Variants in GPC5 observed in about 807,000 individuals in gnomAD.
GPC5 encodes glypican-5.
Under a neutral mutation model 53.9 loss-of-function variants are expected in GPC5, and 47 were observed. That is an observed-to-expected ratio of 0.87 (90% CI 0.69 to 1.11). GPC5 has a LOEUF of 1.11. GPC5 is among the 50% of genes most tolerant of loss of function. GPC5 has a pLI of 0.00. For missense variants in GPC5, 748 were observed against 713.1 expected, an observed-to-expected ratio of 1.05 and a Z score of -0.56; for synonymous variants, 286 against 263.3, an observed-to-expected ratio of 1.09 and a Z score of -0.84.
chr13:91,748,565 T>C (rs2037101106), intron 4 of GPC5, among the ~76,000 whole-genome samples: 1 of 152,252 alleles, frequency 6.6e-6, no homozygotes, highest in African/African-American at 2.4e-5. Flanking sequence ...GGTACCAAGC[T>C]GTGGTCCAAA....
At position 91,720,491 on chromosome 13, in the gene GPC5, A is replaced by G. The variant is rs551589293; in HGVS notation, c.1021-8041A>G. ...ACTTCTCCTTGAGCTTCATCTCAGAATCATTTTCAACTTCCTTTGGTCTCC... is the reference window on the plus strand; with the variant it reads ...ACTTCTCCTTGAGCTTCATCTCAGAGTCATTTTCAACTTCCTTTGGTCTCC... On this transcript the variant is annotated intron_variant, in intron 3 of 7. Coordinates refer to ENST00000377067, the MANE Select transcript of GPC5 (RefSeq NM_004466.6). Among the ~76,000 whole-genome samples the G allele has an allele frequency of 5.9e-5, 9 of 152,210 alleles. No homozygotes were observed. The South Asian group carries it at 1.4e-3, about 24-fold the overall frequency.
intron 6 of GPC5, among the ~76,000 whole-genome samples, chr13:91,932,539 ATCTTGTTCTTCCTTCAG>A (rs2039831470): frequency 6.6e-6 from 1 of 152,032 alleles, no homozygotes; most frequent in African/African-American, 2.4e-5. Flanking sequence ...TTTCCTCAGA[ATCTTGTTCTTCCTTCAG>A]AGTTTCCAAT....
At chr13:92,144,585 C>T (rs1212264907) in intron 6 of GPC5, among the ~76,000 whole-genome samples, 3 of 152,104 alleles carry the variant, frequency 2.0e-5, no homozygotes, top group Admixed American at 6.6e-5. Context: ...TCATTTGCTT[C>T]CCAAAGAATC....
At chr13:92,576,458 A>G (rs73621532) in intron 7 of GPC5, among the ~76,000 whole-genome samples, 1,808 of 152,300 alleles carry the variant, frequency 0.012, 39 homozygotes, top group African/African-American at 0.041. Context: ...CTGTACATGC[A>G]TCAAGTTTTA....
rs751337297 is a variant in GPC5, at chr13:91,756,420, G to T, written c.1280G>T (p.Ser427Ile). 2 of 1,571,574 alleles carry T rather than the reference G, an allele frequency of 1.3e-6. No individual in the cohort carries two copies. Among genetic ancestry groups the T allele is most frequent in the African/African-American group, 1.4e-5 (1 of 73,982 alleles). The change falls in exon 5 of 8, where the codon AGT (serine) becomes ATT (isoleucine). Residue 427 changes from serine (S) to isoleucine (I), a missense_variant and splice_region_variant. Transcript: ENST00000377067. ...TGGAATGGAGAAGATATAGTAAAAA[G>T]GTATTTTATGTGGTCTGTGAAAACC... Reference protein sequence around the residue: ...PCWNGEDIVKSYTQRVVGNGI... With the variant: ...PCWNGEDIVKIYTQRVVGNGI...
intron 2 of GPC5, among the ~76,000 whole-genome samples, chr13:91,657,477 C>A (rs149574105): frequency 1.3e-5 from 2 of 151,958 alleles, no homozygotes; most frequent in African/African-American, 4.8e-5. Context: ...GAGTGGGTTG[C>A]GGATTCTATG....
intron 4 of GPC5, 130 bp from the exon 5 acceptor site, chr13:91,756,165 A>G: frequency 1.8e-6 from 1 of 546,382 alleles, no homozygotes; most frequent in Admixed American, 4.3e-5. Context: ...GTAAAAAATT[A>G]TATTCTAAAC....
chr13:92,069,684 A>G (rs546552085), intron 6 of GPC5, among the ~76,000 whole-genome samples: 21 of 152,214 alleles, frequency 1.4e-4, no homozygotes, highest in Admixed American at 9.8e-4. Context: ...CTCATATATA[A>G]TAATGGCTTC....
intron 7 of GPC5, among the ~76,000 whole-genome samples, chr13:92,667,294 G>A (rs1886608485): frequency 6.6e-6 from 1 of 152,082 alleles, no homozygotes; most frequent in African/African-American, 2.4e-5. Context: ...GTGTCATCTA[G>A]AGAGGGAGAC....
At chr13:92,633,139 C>T (rs1291432649) in intron 7 of GPC5, among the ~76,000 whole-genome samples, 3 of 152,048 alleles carry the variant, frequency 2.0e-5, no homozygotes, top group East Asian at 1.9e-4. Context: ...GTGATCCACC[C>T]GCCTCGGCCT....
intron 1 of GPC5, among the ~76,000 whole-genome samples, chr13:91,423,517 A>C (rs889920783): frequency 2.6e-5 from 4 of 152,306 alleles, no homozygotes; most frequent in African/African-American, 9.6e-5. Flanking sequence ...TCTTGGATAT[A>C]CATAGGCTTA....
At chr13:92,587,697 A>G (rs918272748) in intron 7 of GPC5, among the ~76,000 whole-genome samples, 6 of 152,100 alleles carry the variant, frequency 3.9e-5, no homozygotes, top group Admixed American at 2.0e-4. Flanking sequence ...ATAAAAATAT[A>G]GATACAGCCT....
intron 2 of GPC5, among the ~76,000 whole-genome samples, chr13:91,650,750 G>GTTTTGTTTTGTT (rs1555333961): frequency 1.0e-5 from 1 of 99,642 alleles, no homozygotes; most frequent in African/African-American, 4.1e-5. Context: ...ATTCCCATAA[G>GTTTTGTTTTGTT]TTTTTTTTTT....
rs191977672 is a variant in GPC5, at chr13:91,807,058, C to T, written c.1280+50638C>T. Among the ~76,000 whole-genome samples, 942 of 152,218 alleles carry T rather than the reference C, an allele frequency of 6.2e-3. 15 individuals carry two copies. Among genetic ancestry groups the T allele is most frequent in the African/African-American group, 0.02 (843 of 41,544 alleles). On this transcript the variant is annotated intron_variant, in intron 5 of 7. Coordinates refer to ENST00000377067, the MANE Select transcript of GPC5 (RefSeq NM_004466.6). Reference sequence around the variant, plus strand: ...AATATTTCTCTAAGCCTGCTTCCCACACCAACTAATATCAGATTCACTAAA... The same window carrying T: ...AATATTTCTCTAAGCCTGCTTCCCATACCAACTAATATCAGATTCACTAAA...
intron 2 of GPC5, among the ~76,000 whole-genome samples, chr13:91,624,979 C>T (rs2033960172): frequency 3.3e-5 from 5 of 150,878 alleles, no homozygotes; most frequent in Admixed American, 2.0e-4. Flanking sequence ...TCAACAAAAA[C>T]AAAAAATGAA....
chr13:91,919,300 G>A (rs1448138227), intron 6 of GPC5, among the ~76,000 whole-genome samples: 1 of 152,108 alleles, frequency 6.6e-6, no homozygotes, highest in East Asian at 1.9e-4. Context: ...TCCAGAAAAT[G>A]CCCCAAGAAA....
intron 2 of GPC5, among the ~76,000 whole-genome samples, chr13:91,523,292 C>A (rs1379693952): frequency 1.3e-5 from 2 of 152,152 alleles, no homozygotes; most frequent in Admixed American, 6.6e-5. Flanking sequence ...ATTTGCAATA[C>A]CATGTTCATT....
At chr13:92,573,583 G>A (rs1883100898) in intron 7 of GPC5, among the ~76,000 whole-genome samples, 1 of 152,042 alleles carries the variant, frequency 6.6e-6, no homozygotes, top group African/African-American at 2.4e-5. Context: ...CTCCCGAACA[G>A]TGAGTACATT....
chr13:92,312,135 G>A (rs1029645276), intron 7 of GPC5, among the ~76,000 whole-genome samples: 3 of 152,074 alleles, frequency 2.0e-5, no homozygotes, highest in Admixed American at 6.6e-5. Flanking sequence ...TTTCTTAAGA[G>A]GTTACATGGG....
Sources: gnomAD v4.1 joint callset for allele counts (sites outside exome capture counted in the v4.1 genomes callset) on GRCh38, gnomAD v4.1.1 for gene constraint, MANE v1.5 for transcripts, NCBI Gene and HGNC (gene_info 2026-07-23, HGNC 2026-07-21) for gene names.